Variants in BBX observed in about 807,000 individuals in gnomAD.
BBX encodes BBX high mobility group box domain containing.
Under a neutral mutation model 100.2 loss-of-function variants are expected in BBX, and 30 were observed. The ratio of observed to expected loss-of-function variants is 0.30; its 90% CI spans 0.22 to 0.41. BBX has a LOEUF of 0.41. BBX is among the 10% of genes least tolerant of loss of function. The probability of loss-of-function intolerance (pLI) is 1.00; values close to 1 mark genes in which losing one functional copy is unlikely to be tolerated. For missense variants in BBX, 1,023 were observed against 1,129.8 expected, an observed-to-expected ratio of 0.91 and a Z score of 1.35; for synonymous variants, 376 against 388.1, an observed-to-expected ratio of 0.97 and a Z score of 0.37.
rs183760015 is a variant in BBX, at chr3:107,744,635, C to T, written c.675C>T (p.Ser225=). ...GEHALGTPEV[S]SGTCRPDVSE... ...GATATCTTTCTTTGTTTCAGGTATC[C>T]TCTGGCACATGCAGGCCTGATGTTT... The change falls in exon 8 of 18, where the codon TCC becomes TCT. Residue 225 remains serine (S), a synonymous_variant. Coordinates refer to ENST00000325805, the MANE Select transcript of BBX (RefSeq NM_001142568.3). 2.5e-6 allele frequency: 4 copies of T among 1,612,274 alleles called. No homozygotes were observed. Among genetic ancestry groups the T allele is most frequent in the Non-Finnish European group, 3.4e-6 (4 of 1,178,614 alleles).
intron 2 of BBX, among the ~76,000 whole-genome samples, chr3:107,624,172 G>A (rs778977778): frequency 6.6e-6 from 1 of 152,112 alleles, no homozygotes; most frequent in African/African-American, 2.4e-5. Flanking sequence ...TGTAAAATGG[G>A]TATAATAGAG....
intron 2 of BBX, among the ~76,000 whole-genome samples, chr3:107,563,526 A>G (rs2050662357): frequency 6.6e-6 from 1 of 152,228 alleles, no homozygotes; most frequent in Non-Finnish European, 1.5e-5. Context: ...AAACTTCTAT[A>G]GAGAAAATAA....
intron 3 of BBX, among the ~76,000 whole-genome samples, chr3:107,700,445 ATTATTATT>A (rs2060956740): frequency 6.8e-6 from 1 of 146,788 alleles, no homozygotes; most frequent in South Asian, 2.2e-4. Flanking sequence ...TATTATTATT[ATTATTATT>A]ATACTTTAAG....
At chr3:107,701,883 T>C (rs1205605456) in intron 3 of BBX, among the ~76,000 whole-genome samples, 1 of 152,136 alleles carries the variant, frequency 6.6e-6, no homozygotes, top group Non-Finnish European at 1.5e-5. Context: ...TTAATAGATA[T>C]AATCTCTTAG....
intron 2 of BBX, among the ~76,000 whole-genome samples, chr3:107,569,321 T>C (rs998487953): frequency 1.1e-4 from 16 of 152,326 alleles, no homozygotes; most frequent in African/African-American, 3.4e-4. Context: ...TAACAGTATT[T>C]TATGGAGGTG....
chr3:107,574,246 A>T (rs181640317), intron 2 of BBX, among the ~76,000 whole-genome samples: 4 of 152,324 alleles, frequency 2.6e-5, no homozygotes, highest in African/African-American at 9.6e-5. Context: ...TAAACGAGAA[A>T]TTTGAGACCT....
intron 3 of BBX, among the ~76,000 whole-genome samples, chr3:107,707,282 G>A (rs2061448153): frequency 6.6e-6 from 1 of 152,206 alleles, no homozygotes; most frequent in Non-Finnish European, 1.5e-5. Flanking sequence ...GTGTGTCTGA[G>A]CTGTGCACAG....
At chr3:107,655,460 T>A (rs1409794942) in intron 3 of BBX, among the ~76,000 whole-genome samples, 2 of 151,694 alleles carry the variant, frequency 1.3e-5, no homozygotes, top group Admixed American at 1.3e-4. Flanking sequence ...AGATATCGTA[T>A]GATTCTTAAT....
chr3:107,704,985 A>C (rs1560007142), intron 3 of BBX, among the ~76,000 whole-genome samples: 1 of 152,164 alleles, frequency 6.6e-6, no homozygotes, highest in East Asian at 1.9e-4. Flanking sequence ...AAAGGCTTCA[A>C]ATTTGGAGTA....
At chr3:107,767,912 G>A (rs989122982) in intron 10 of BBX, among the ~76,000 whole-genome samples, 14 of 152,136 alleles carry the variant, frequency 9.2e-5, no homozygotes, top group Non-Finnish European at 1.9e-4. Flanking sequence ...CCAGGTTAGG[G>A]TCAAGAGGGA....
intron 13 of BBX, among the ~76,000 whole-genome samples, chr3:107,787,295 C>T (rs182113581): frequency 6.6e-6 from 1 of 152,296 alleles, no homozygotes; most frequent in East Asian, 1.9e-4. Flanking sequence ...GCACCTGGCC[C>T]ACCAACTGTT....
chr3:107,592,813 C>A (rs1353557512), intron 2 of BBX, among the ~76,000 whole-genome samples: 2 of 152,102 alleles, frequency 1.3e-5, no homozygotes, highest in African/African-American at 4.8e-5. Context: ...CCACACATGT[C>A]TTAAGGGCCA....
intron 9 of BBX, among the ~76,000 whole-genome samples, chr3:107,753,757 A>G (rs1158066922): frequency 6.6e-6 from 1 of 152,212 alleles, no homozygotes; most frequent in East Asian, 1.9e-4. Context: ...GTGCAGTGCT[A>G]CGCAGCTTGT....
At chr3:107,724,453 T>G (rs1242056707) in intron 5 of BBX, among the ~76,000 whole-genome samples, 4 of 152,266 alleles carry the variant, frequency 2.6e-5, no homozygotes, top group South Asian at 2.1e-4. Context: ...TGCCATTGCT[T>G]TTGGTGTTTT....
At chr3:107,785,358 TCAAGA>T (rs1441422990) in intron 13 of BBX, among the ~76,000 whole-genome samples, 6 of 151,946 alleles carry the variant, frequency 3.9e-5, no homozygotes, top group Non-Finnish European at 5.9e-5. Context: ...CAAGACATTC[TCAAGA>T]CAAAGACATC....
intron 13 of BBX, among the ~76,000 whole-genome samples, chr3:107,779,219 G>A (rs2067623757): frequency 6.6e-6 from 1 of 151,484 alleles, no homozygotes; most frequent in African/African-American, 2.4e-5. Context: ...GAGGGTGGGG[G>A]CATTTTCAGT....
intron 17 of BBX, among the ~76,000 whole-genome samples, chr3:107,804,112 A>G (rs2070830463): frequency 1.3e-5 from 2 of 152,326 alleles, no homozygotes; most frequent in South Asian, 2.1e-4. Context: ...AGCTTAATCC[A>G]GAGGTTTGAT....
intron 3 of BBX, among the ~76,000 whole-genome samples, chr3:107,665,511 C>T (rs1209904295): frequency 4.6e-5 from 7 of 152,034 alleles, no homozygotes; most frequent in Non-Finnish European, 1.0e-4. Flanking sequence ...AGCTTTAGGC[C>T]CATAACTGTG....
chr3:107,637,631 G>C (rs2056930706), intron 2 of BBX, among the ~76,000 whole-genome samples: 1 of 152,194 alleles, frequency 6.6e-6, no homozygotes, highest in Admixed American at 6.5e-5. Context: ...GTAATCCTGT[G>C]ATTTCACAGG....
Sources: gnomAD v4.1 joint callset for allele counts (sites outside exome capture counted in the v4.1 genomes callset) on GRCh38, gnomAD v4.1.1 for gene constraint, MANE v1.5 for transcripts, NCBI Gene and HGNC (gene_info 2026-07-23, HGNC 2026-07-21) for gene names.